Variants in TP63 observed in about 807,000 individuals in gnomAD.
The protein encoded by TP63 is tumor protein 63.
Under a neutral mutation model 82.8 loss-of-function variants are expected in TP63, and 17 were observed. That is an observed-to-expected ratio of 0.21 (90% CI 0.14 to 0.31). TP63 has a LOEUF of 0.31. Ranked by LOEUF, TP63 falls within the 10% of genes least tolerant of loss-of-function variation. The pLI is 1.00. For missense variants in TP63, 648 were observed against 895.3 expected, an observed-to-expected ratio of 0.72 and a Z score of 3.52; for synonymous variants, 330 against 321.7, an observed-to-expected ratio of 1.03 and a Z score of -0.28.
chr3:189,674,711 A>C lies in TP63; in HGVS notation c.62+43134A>C, dbSNP rs548727608. Reference sequence around the variant, plus strand: ...GAGTAGATTCCCAAAGTGTCAGAGAAGGCACTGAAGCAGAGTACAGATATA... The same window carrying C: ...GAGTAGATTCCCAAAGTGTCAGAGACGGCACTGAAGCAGAGTACAGATATA... On this transcript the variant is annotated intron_variant, in intron 1 of 13. Coordinates refer to ENST00000264731, the MANE Select transcript of TP63 (RefSeq NM_003722.5). Among the ~76,000 whole-genome samples, 142 of 152,262 alleles carry C rather than the reference A, an allele frequency of 9.3e-4. 2 individuals are homozygous for C. The Middle Eastern group carries it at 0.031, about 33-fold the overall frequency.
chr3:189,689,889 G>A (rs1014603670), intron 1 of TP63, among the ~76,000 whole-genome samples: 18 of 152,028 alleles, frequency 1.2e-4, no homozygotes, highest in African/African-American at 4.3e-4. Flanking sequence ...AGGAGAGGAG[G>A]GTGAATATTG....
In TP63 at chr3:189,889,313, C is replaced by T. The variant is rs1301179496; in HGVS notation, c.1508-27C>T. 1.9e-6 allele frequency: 3 copies of T among 1,614,018 alleles called. No individual in the cohort carries two copies. The Admixed American group carries it at 5.0e-5, about 27-fold the overall frequency. The stretch of plus-strand genomic sequence containing the variant: ...CTGGTACATGATGATGGCAGTAACC[C>T]TTTTTGTTCCTCCTGCTTCTGTTCA... On this transcript the variant is annotated intron_variant, in intron 11 of 13. Transcript: ENST00000264731.
At chr3:189,788,738 G>C (rs1264238931) in intron 3 of TP63, among the ~76,000 whole-genome samples, 1 of 151,750 alleles carries the variant, frequency 6.6e-6, no homozygotes, top group Non-Finnish European at 1.5e-5. Flanking sequence ...CATGAATGTT[G>C]GTACGTATTT....
At chr3:189,689,015 T>TG (rs1214434268) in intron 1 of TP63, among the ~76,000 whole-genome samples, 1 of 150,152 alleles carries the variant, frequency 6.7e-6, no homozygotes, top group Non-Finnish European at 1.5e-5. Flanking sequence ...GATGGGATTT[T>TG]GGGACTCCTG....
intron 1 of TP63, among the ~76,000 whole-genome samples, chr3:189,653,248 G>A (rs1713050418): frequency 6.6e-6 from 1 of 152,104 alleles, no homozygotes; most frequent in South Asian, 2.1e-4. Flanking sequence ...GGACAGAGTG[G>A]GAGAACCTAG....
Position 189,637,044 on chromosome 3 carries a change from G to A in TP63, c.62+5467G>A, listed in dbSNP as rs1016100062. 7.9e-5 allele frequency among the ~76,000 whole-genome samples: 12 copies of A among 152,120 alleles called. No individual in the cohort carries two copies. In the East Asian group the frequency reaches 1.6e-3, roughly 20 times the overall value. ...AGAGCCTATCTCAGCAGCTCAGGGT[G>A]GAAGGTAGAAACCAACCCTGGACTG... On this transcript the variant is annotated intron_variant, in intron 1 of 13. Transcript: ENST00000264731.
intron 3 of TP63, among the ~76,000 whole-genome samples, chr3:189,740,943 C>T (rs909273087): frequency 6.6e-6 from 1 of 152,166 alleles, no homozygotes; most frequent in East Asian, 1.9e-4. Context: ...TTACTTCTTA[C>T]ACAGTGTCAT....
At chr3:189,805,898 A>AG (rs1399599390) in intron 3 of TP63, among the ~76,000 whole-genome samples, 1 of 152,202 alleles carries the variant, frequency 6.6e-6, no homozygotes, top group Non-Finnish European at 1.5e-5. Flanking sequence ...CAGGTTCCTC[A>AG]GGTGACTCAG....
At chr3:189,609,847 T>C in the TP63 span, among the ~76,000 whole-genome samples, 1 of 152,224 alleles carries the variant, frequency 6.6e-6, no homozygotes, top group African/African-American at 2.4e-5. Context: ...AATGTTTGCA[T>C]GCATATGTCT....
At chr3:189,629,895 A>G (rs887589947), upstream of TP63, among the ~76,000 whole-genome samples, 17 of 152,200 alleles carry the variant, frequency 1.1e-4, no homozygotes, top group Non-Finnish European at 1.9e-4. Context: ...TTTAACTGCA[A>G]TTAACAAATC....
intron 4 of TP63, among the ~76,000 whole-genome samples, chr3:189,827,311 GA>G (rs1711568383): frequency 6.6e-6 from 1 of 152,104 alleles, no homozygotes; most frequent in Non-Finnish European, 1.5e-5. Context: ...AAACTCATTG[GA>G]AGCATTAATT....
intron 4 of TP63, among the ~76,000 whole-genome samples, chr3:189,853,425 G>T (rs986859123): frequency 6.6e-6 from 1 of 152,162 alleles, no homozygotes; most frequent in African/African-American, 2.4e-5. Context: ...TTCTGCAGGT[G>T]CACTGGCCTC....
intron 5 of TP63, among the ~76,000 whole-genome samples, chr3:189,864,942 G>C (rs1717518409): frequency 6.6e-6 from 1 of 152,074 alleles, no homozygotes; most frequent in Non-Finnish European, 1.5e-5. Flanking sequence ...AGGAGGCCAA[G>C]CTTGCAGTGA....
At chr3:189,696,550 GGGTA>G (rs1163158226) in intron 1 of TP63, among the ~76,000 whole-genome samples, 1 of 152,086 alleles carries the variant, frequency 6.6e-6, no homozygotes, top group Non-Finnish European at 1.5e-5. Context: ...TAAATCAGTT[GGGTA>G]AATATCCAGA....
intron 1 of TP63, among the ~76,000 whole-genome samples, chr3:189,703,258 A>G (rs2108743010): frequency 6.6e-6 from 1 of 152,174 alleles, no homozygotes; most frequent in Non-Finnish European, 1.5e-5. Flanking sequence ...AAACAGTGAA[A>G]CCCCATCTCT....
At chr3:189,610,118 AATG>A in the TP63 span, among the ~76,000 whole-genome samples, 1 of 152,156 alleles carries the variant, frequency 6.6e-6, no homozygotes, top group African/African-American at 2.4e-5. Context: ...GCATTTCTCT[AATG>A]ATCAGTGATA....
At chr3:189,768,368 C>A (rs1365350418) in intron 3 of TP63, among the ~76,000 whole-genome samples, 1 of 152,006 alleles carries the variant, frequency 6.6e-6, no homozygotes, top group Non-Finnish European at 1.5e-5. Flanking sequence ...AATATTTTAC[C>A]AGCATCAACA....
chr3:189,798,652 C>G lies in TP63; in HGVS notation c.325-9620C>G, dbSNP rs80052221. 6.2e-3 allele frequency among the ~76,000 whole-genome samples: 948 copies of G among 152,194 alleles called. 6 individuals are homozygous for G. Among genetic ancestry groups the G allele is most frequent in the African/African-American group, 0.022 (908 of 41,546 alleles). On this transcript the variant is annotated intron_variant, in intron 3 of 13. Coordinates refer to ENST00000264731, the MANE Select transcript of TP63 (RefSeq NM_003722.5). ...GGGAAGTTTGATCTGGGTGAATAAG[C>G]TTGATGATTTGCAAACGCTCTCTCC... is the stretch of plus-strand genomic sequence containing the variant.
chr3:189,871,846 C>T (rs1366141886), intron 9 of TP63, among the ~76,000 whole-genome samples: 5 of 152,304 alleles, frequency 3.3e-5, no homozygotes, highest in Admixed American at 3.3e-4. Flanking sequence ...CTCACCTCCC[C>T]AGGTAGCTGG....
Sources: gnomAD v4.1 joint callset for allele counts (sites outside exome capture counted in the v4.1 genomes callset) on GRCh38, gnomAD v4.1.1 for gene constraint, MANE v1.5 for transcripts, NCBI Gene and HGNC (gene_info 2026-07-23, HGNC 2026-07-21) for gene names.